The following KIRREL1 variants were observed in gnomAD, a reference collection of about 807,000 sequenced individuals.
KIRREL1 encodes the protein kirre like nephrin family adhesion molecule 1.
Under a neutral mutation model 83.3 loss-of-function variants are expected in KIRREL1, and 25 were observed. The ratio of observed to expected loss-of-function variants is 0.30; its 90% CI spans 0.22 to 0.42. The LOEUF is 0.42. KIRREL1 is among the 10% of genes least tolerant of loss of function. The pLI, the probability that KIRREL1 is intolerant of heterozygous loss-of-function variation, is 1.00. For synonymous variants in KIRREL1, 388 were observed against 410.4 expected (o/e 0.95, Z 0.66); for missense variants, 812 against 1,032.3 (o/e 0.79, Z 2.92).
chr1:158,029,710 A>C (rs997463449), intron 1 of KIRREL1, among the ~76,000 whole-genome samples: 1 of 152,212 alleles, frequency 6.6e-6, no homozygotes, highest in African/African-American at 2.4e-5. Context: ...CTTTAATCCT[A>C]GACCTGCTAA....
rs1662284934 is a variant in KIRREL1, at chr1:158,094,166, C to G, written c.1720-147C>G. On this transcript the variant is annotated intron_variant, in intron 13 of 14. Coordinates refer to ENST00000359209, the MANE Select transcript of KIRREL1 (RefSeq NM_018240.7). This position sits in a 1 kb window ranked among gnomAD's most constrained non-coding sequence, Gnocchi z 4.6. ...GCCTCTTCCCACCACATCCCAGAGC[C>G]TCTGCTGAGAGGACCAGAACTCAAG... The G allele has an allele frequency of 2.8e-6, 2 of 711,832 alleles. No homozygotes were observed. The highest frequency in any genetic ancestry group is 5.0e-6 in the Non-Finnish European group (2 of 396,400). 44.1% of individuals were successfully genotyped at this position (711,832 alleles called of 1,614,324 possible). A position where few individuals can be genotyped will look rare whatever the true frequency, so the allele number is the denominator to read the frequency against.
chr1:158,100,234 A>G lies in KIRREL1; in HGVS notation c.*5114A>G, dbSNP rs903038386. ...TATTATATATATTTAATTTTTTTAT[A>G]TATATAAATATAAATGTTTTAAAAA... On this transcript the variant is annotated 3_prime_UTR_variant, in exon 15 of 15. Transcript: ENST00000359209. The G allele has an allele frequency of 2.0e-5, 3 of 148,990 alleles. No homozygotes were observed. The highest frequency in any genetic ancestry group is 3.0e-5 in the Non-Finnish European group (2 of 67,406). 9.2% of individuals were successfully genotyped at this position (148,990 alleles called of 1,614,324 possible).
At chr1:158,078,367 C>T (rs1366107226) in intron 3 of KIRREL1, among the ~76,000 whole-genome samples, 2 of 151,828 alleles carry the variant, frequency 1.3e-5, no homozygotes, top group East Asian at 1.9e-4. Context: ...ATCCTCTCTG[C>T]CGCAGCCAGT....
At chr1:158,016,874 G>A (rs1659840922) in intron 1 of KIRREL1, among the ~76,000 whole-genome samples, 1 of 152,214 alleles carries the variant, frequency 6.6e-6, no homozygotes, top group Non-Finnish European at 1.5e-5. Flanking sequence ...GACAGAGTGT[G>A]ACTTCTATCC....
rs372171786 is a variant in KIRREL1 at position 158,091,597 on chromosome 1, C to A, written c.1471+41C>A. 22 of 1,584,098 alleles carry A rather than the reference C, an allele frequency of 1.4e-5. No homozygotes were observed. In the African/African-American group the frequency reaches 2.8e-4, roughly 20 times the overall value. On this transcript the variant is annotated intron_variant, in intron 11 of 14. Coordinates refer to ENST00000359209, the MANE Select transcript of KIRREL1 (RefSeq NM_018240.7). ...GCCTGCCAGCTGGGGTGCAGAGCAG[C>A]CTGAGGATTCTGCTCCTTCTTTTCT...
chr1:158,085,806 A>G (rs1017819600), intron 4 of KIRREL1, among the ~76,000 whole-genome samples: 1 of 152,196 alleles, frequency 6.6e-6, no homozygotes, highest in African/African-American at 2.4e-5. Context: ...CCTGGCTGTC[A>G]CTGAGCAAGT....
intron 1 of KIRREL1, among the ~76,000 whole-genome samples, chr1:157,997,969 C>T (rs896916899): frequency 1.3e-5 from 2 of 152,136 alleles, no homozygotes; most frequent in African/African-American, 2.4e-5. Context: ...GCAACCTCCT[C>T]CTAGGCTCAA....
In KIRREL1 at chr1:158,021,024, AG is replaced by A. The variant is rs370687619; in HGVS notation, c.52+27297del. On this transcript the variant is annotated intron_variant, in intron 1 of 14. Transcript: ENST00000359209. ...GTAATTCTTTCTTCTCCAGTTGCTAAGCTCCTTGGATTTGCACAGAGCACTT... is the reference window on the plus strand; with the variant it reads ...GTAATTCTTTCTTCTCCAGTTGCTAACTCCTTGGATTTGCACAGAGCACTT... Among the ~76,000 whole-genome samples the A allele has an allele frequency of 2.4e-3, 372 of 152,278 alleles. 4 individuals are homozygous for A. Among genetic ancestry groups the A allele is most frequent in the African/African-American group, 8.5e-3 (355 of 41,552 alleles).
At chr1:158,059,973 T>TTAGATTATATGTAAACATACAGGTTGG (rs1314873966) in intron 1 of KIRREL1, among the ~76,000 whole-genome samples, 3 of 152,118 alleles carry the variant, frequency 2.0e-5, no homozygotes, top group Non-Finnish European at 4.4e-5. Flanking sequence ...GGGAATACGT[T>TTAGATTATATGTAAACATACAGGTTGG]TAGATTATAT....
At chr1:158,082,747 T>A (rs1661899698) in intron 3 of KIRREL1, among the ~76,000 whole-genome samples, 1 of 152,176 alleles carries the variant, frequency 6.6e-6, no homozygotes, top group South Asian at 2.1e-4. Flanking sequence ...GTAGGAGGAC[T>A]GCTTGAGCCC....
intron 1 of KIRREL1, among the ~76,000 whole-genome samples, chr1:158,036,434 C>T (rs1660478011): frequency 6.6e-6 from 1 of 152,116 alleles, no homozygotes; most frequent in South Asian, 2.1e-4. Context: ...AGGGGACATG[C>T]ATGATGCTTA....
chr1:158,077,524 C>T (rs1381011472), intron 2 of KIRREL1, among the ~76,000 whole-genome samples: 1 of 152,146 alleles, frequency 6.6e-6, no homozygotes, highest in Non-Finnish European at 1.5e-5. Context: ...GCCAGCGGTC[C>T]CCTGCCTCAT....
chr1:158,044,626 G>A (rs1289876751), intron 1 of KIRREL1, among the ~76,000 whole-genome samples: 1 of 152,140 alleles, frequency 6.6e-6, no homozygotes, highest in African/African-American at 2.4e-5. Flanking sequence ...AGCCTCCTGA[G>A]TAAATAGGAT....
At chr1:158,036,257 C>CCAGA (rs1660473092) in intron 1 of KIRREL1, among the ~76,000 whole-genome samples, 1 of 152,006 alleles carries the variant, frequency 6.6e-6, no homozygotes, top group South Asian at 2.1e-4. Flanking sequence ...TATTACTGTT[C>CCAGA]CAGACTTATT....
At chr1:158,044,562 G>A (rs927420185) in intron 1 of KIRREL1, among the ~76,000 whole-genome samples, 1 of 152,132 alleles carries the variant, frequency 6.6e-6, no homozygotes, top group Non-Finnish European at 1.5e-5. Context: ...GCAGTGGCAC[G>A]AACTCGGCTT....
At chr1:157,993,972 A>G (rs1393990010) in intron 1 of KIRREL1, among the ~76,000 whole-genome samples, 1 of 152,118 alleles carries the variant, frequency 6.6e-6, no homozygotes, top group African/African-American at 2.4e-5. Context: ...GCGCGGGAGA[A>G]CCGAGCAATG....
chr1:158,083,838 G>T (rs1179218030), intron 3 of KIRREL1, among the ~76,000 whole-genome samples: 1 of 152,086 alleles, frequency 6.6e-6, no homozygotes, highest in African/African-American at 2.4e-5. Flanking sequence ...AACTGTAGGG[G>T]TATGGAGCCA....
intron 1 of KIRREL1, among the ~76,000 whole-genome samples, chr1:158,033,790 G>A (rs1294980841): frequency 6.6e-6 from 1 of 151,752 alleles, no homozygotes; most frequent in East Asian, 2.0e-4. Context: ...GACCAGCCTG[G>A]CCAACATGGT....
At chr1:158,043,864 AC>A (rs1660705979) in intron 1 of KIRREL1, among the ~76,000 whole-genome samples, 1 of 152,128 alleles carries the variant, frequency 6.6e-6, no homozygotes, top group Non-Finnish European at 1.5e-5. Flanking sequence ...CCCATGTTTA[AC>A]CCTATTTTTC....
Sources: allele counts gnomAD v4.1 joint callset (sites outside exome capture counted in the v4.1 genomes callset), GRCh38; gene constraint gnomAD v4.1.1; non-coding constraint Gnocchi (gnomAD v3.1); transcripts MANE v1.5; gene names NCBI Gene and HGNC (gene_info 2026-07-23, HGNC 2026-07-21).